Variants in MAGI1 observed in about 807,000 individuals in gnomAD.
MAGI1 encodes the protein membrane associated guanylate kinase, WW and PDZ domain containing 1.
Under a neutral mutation model 139.9 loss-of-function variants are expected in MAGI1, and 58 were observed. The ratio of observed to expected loss-of-function variants is 0.41; its 90% confidence interval spans 0.34 to 0.52. The LOEUF (loss-of-function observed/expected upper bound fraction) is 0.52, where lower values mean the gene tolerates loss of function less well. Ranked by LOEUF, MAGI1 falls within the 20% of genes least tolerant of loss-of-function variation. The pLI is 0.12. For missense variants in MAGI1, 1,874 were observed against 1,901.6 expected, an observed-to-expected ratio of 0.99 and a Z score of 0.27; for synonymous variants, 812 against 737.9, an observed-to-expected ratio of 1.10 and a Z score of -1.63.
chr3:65,727,359 G>A (rs2033732147), intron 1 of MAGI1, among the ~76,000 whole-genome samples: 2 of 152,088 alleles, frequency 1.3e-5, no homozygotes, highest in African/African-American at 2.4e-5. Context: ...AGTTACAATC[G>A]AATTATTATA....
chr3:65,638,012 G>A (rs1382907310), intron 1 of MAGI1, among the ~76,000 whole-genome samples: 2 of 152,148 alleles, frequency 1.3e-5, no homozygotes, highest in Non-Finnish European at 1.5e-5. Context: ...GAACAAGTGA[G>A]TGAATAAAGG....
chr3:65,606,156 T>C (rs1055389559), intron 2 of MAGI1, among the ~76,000 whole-genome samples: 2 of 152,148 alleles, frequency 1.3e-5, no homozygotes, highest in African/African-American at 2.4e-5. Context: ...TGTCCCAATT[T>C]TATAAATTGC....
chr3:65,485,406 G>C (rs865816442), intron 3 of MAGI1, among the ~76,000 whole-genome samples: 3 of 152,086 alleles, frequency 2.0e-5, no homozygotes, highest in Non-Finnish European at 2.9e-5. Flanking sequence ...AGAGTTTTAC[G>C]ACCCTGAGTG....
intron 1 of MAGI1, among the ~76,000 whole-genome samples, chr3:65,757,851 T>C (rs566083599): frequency 1.3e-5 from 2 of 152,352 alleles, no homozygotes; most frequent in African/African-American, 2.4e-5. Context: ...AGACATTCAT[T>C]GGTTTAGAAA....
intron 1 of MAGI1, among the ~76,000 whole-genome samples, chr3:66,002,773 C>T (rs1245172762): frequency 1.3e-5 from 2 of 152,168 alleles, no homozygotes; most frequent in African/African-American, 2.4e-5. Flanking sequence ...ACCTCAGCCT[C>T]CCAAAGTGCT....
intron 1 of MAGI1, among the ~76,000 whole-genome samples, chr3:65,931,796 A>G (rs58013439): frequency 0.019 from 2,888 of 152,298 alleles, 63 homozygotes; most frequent in African/African-American, 0.052. Context: ...TTTGAACCCA[A>G]TTGTGGGTTC....
intron 1 of MAGI1, among the ~76,000 whole-genome samples, chr3:65,752,137 CAG>C: frequency 6.6e-6 from 1 of 152,110 alleles, no homozygotes; most frequent in South Asian, 2.1e-4. Flanking sequence ...TTTGTACAAA[CAG>C]GGTTTCACCA....
intron 3 of MAGI1, among the ~76,000 whole-genome samples, chr3:65,483,480 T>C (rs186411437): frequency 6.6e-6 from 1 of 152,242 alleles, no homozygotes; most frequent in African/African-American, 2.4e-5. Flanking sequence ...TCTAGCCATG[T>C]AGAAACACAA....
intron 1 of MAGI1, among the ~76,000 whole-genome samples, chr3:65,923,283 T>C (rs1230136715): frequency 6.7e-6 from 1 of 148,180 alleles, no homozygotes; most frequent in Non-Finnish European, 1.5e-5. Flanking sequence ...TGGAGTGCAG[T>C]GGTGTGATCT....
intron 1 of MAGI1, among the ~76,000 whole-genome samples, chr3:65,691,792 G>A (rs1312349664): frequency 6.6e-6 from 1 of 152,168 alleles, no homozygotes. Context: ...ATTTGAGACT[G>A]CTGTGGTGTG....
chr3:65,440,108 C>G (rs1041600744), intron 8 of MAGI1, 96 bp from the exon 9 acceptor site: 39 of 1,395,522 alleles, frequency 2.8e-5, no homozygotes, highest in Non-Finnish European at 3.8e-5. Flanking sequence ...CTGAGCAGAG[C>G]AGGTGGTCTG....
chr3:65,850,044 C>G lies in MAGI1; in HGVS notation c.313+187952G>C, dbSNP rs1241331963. On this transcript the variant is annotated intron_variant, in intron 1 of 22. Coordinates refer to ENST00000402939, the MANE Select transcript of MAGI1 (RefSeq NM_001033057.2). ...TATATCATTTATATACTATTATGAT[C>G]TAGGGTCATACCCTATATTTTTTTC... 2.0e-5 allele frequency among the ~76,000 whole-genome samples: 3 copies of G among 152,244 alleles called. No individual in the cohort carries two copies. In the East Asian group the frequency reaches 5.8e-4, roughly 29 times the overall value.
At chr3:65,434,269 A>G (rs1575730455) in intron 10 of MAGI1, among the ~76,000 whole-genome samples, 2 of 152,160 alleles carry the variant, frequency 1.3e-5, no homozygotes, top group Non-Finnish European at 2.9e-5. Context: ...AGTTGTGAGA[A>G]ACAACCATGG....
chr3:65,475,128 GATTAAGAA>G lies in MAGI1; in HGVS notation c.757+3456_757+3463del, dbSNP rs1369042112. ...GGGAAAAAAAAAAGCCTAGAAACAT[GATTAAGAA>G]ATGTTTTGATGTCTCTCAGAGGTGT... On this transcript the variant is annotated intron_variant, in intron 4 of 22. Coordinates refer to ENST00000402939, the MANE Select transcript of MAGI1 (RefSeq NM_001033057.2). Among the ~76,000 whole-genome samples the G allele has an allele frequency of 1.3e-4, 19 of 152,000 alleles. No individual in the cohort carries two copies. The East Asian group carries it at 3.3e-3, about 26-fold the overall frequency.
intron 17 of MAGI1, among the ~76,000 whole-genome samples, chr3:65,377,908 T>G (rs1054765789): frequency 6.6e-6 from 1 of 152,188 alleles, no homozygotes; most frequent in Admixed American, 6.5e-5. Context: ...CAGGATTAAA[T>G]GGAGGCCAAG....
chr3:65,639,583 A>G (rs115271586), intron 1 of MAGI1, among the ~76,000 whole-genome samples: 9,225 of 152,146 alleles, frequency 0.061, 933 homozygotes, highest in African/African-American at 0.21. Flanking sequence ...TGGGGTTTTG[A>G]GATAAGGTTA....
intron 3 of MAGI1, among the ~76,000 whole-genome samples, chr3:65,479,717 TA>T (rs1342807216): frequency 6.6e-6 from 1 of 152,122 alleles, no homozygotes; most frequent in Admixed American, 6.6e-5. Flanking sequence ...GCTGAATACA[TA>T]ATAGGGATGG....
At chr3:65,361,401 T>C (rs1940840643) in intron 21 of MAGI1, 64 bp from the exon 22 acceptor site, 32 of 1,549,640 alleles carry the variant, frequency 2.1e-5, no homozygotes, top group East Asian at 4.5e-5. Flanking sequence ...CAAATGTTTA[T>C]TAAGCACGTG....
At chr3:65,455,779 G>C (rs1478075930) in intron 5 of MAGI1, among the ~76,000 whole-genome samples, 1 of 152,118 alleles carries the variant, frequency 6.6e-6, no homozygotes, top group South Asian at 2.1e-4. Flanking sequence ...AGAATGTTAT[G>C]TAAATGGAAT....
Sources: allele counts gnomAD v4.1 joint callset (sites outside exome capture counted in the v4.1 genomes callset), GRCh38; gene constraint gnomAD v4.1.1; transcripts MANE v1.5; gene names NCBI Gene and HGNC (gene_info 2026-07-23, HGNC 2026-07-21).